The following ZFHX3 variants were observed in gnomAD, a reference collection of about 807,000 sequenced individuals.
The protein encoded by ZFHX3 is zinc finger homeobox protein 3.
Under a neutral mutation model 279.1 loss-of-function variants are expected in ZFHX3, and 42 were observed. That is an observed-to-expected ratio of 0.15 (90% CI 0.12 to 0.19). The LOEUF is 0.19. Ranked by LOEUF, ZFHX3 falls within the 10% of genes least tolerant of loss-of-function variation. The pLI is 1.00. For synonymous variants in ZFHX3, 2,293 were observed against 1,957.8 expected (o/e 1.17, Z -4.52); for missense variants, 4,981 against 4,754.0 (o/e 1.05, Z -1.40).
chr16:73,710,045 T>C (rs1371612467), intron 1 of ZFHX3, among the ~76,000 whole-genome samples: 1 of 151,962 alleles, frequency 6.6e-6, no homozygotes, highest in Non-Finnish European at 1.5e-5. Flanking sequence ...TTGGCTGGTG[T>C]GGTAGCGGGC....
intron 7 of ZFHX3, chr16:72,807,916 C>T (rs1190758659): frequency 2.0e-5 from 3 of 152,174 alleles, no homozygotes; most frequent in African/African-American, 7.2e-5. Flanking sequence ...GACATAACTT[C>T]CTTCTCCTGG....
At chr16:72,969,544 G>A (rs1234291252) in intron 1 of ZFHX3, among the ~76,000 whole-genome samples, 3 of 151,882 alleles carry the variant, frequency 2.0e-5, no homozygotes, top group Non-Finnish European at 4.4e-5. Context: ...CCCCCAGAGT[G>A]TGAGCATTGT....
chr16:73,308,250 TATATATATATATATATATATATATA>T (rs1567446203), intron 4 of ZFHX3, among the ~76,000 whole-genome samples: 14 of 30,558 alleles, frequency 4.6e-4, no homozygotes, highest in African/African-American at 1.0e-3. Flanking sequence ...TATATATATA[TATATATATATATATATATATATATA>T]TATTTATTTA....
chr16:73,832,539 G>T (rs994380626), intron 1 of ZFHX3, among the ~76,000 whole-genome samples: 7 of 151,980 alleles, frequency 4.6e-5, no homozygotes, highest in African/African-American at 1.7e-4. Flanking sequence ...CCCTTTTTAA[G>T]TTTTTTTATT....
intron 3 of ZFHX3, among the ~76,000 whole-genome samples, chr16:72,915,762 T>TA (rs35736633): frequency 0.061 from 7,629 of 125,876 alleles, 269 homozygotes; most frequent in African/African-American, 0.12. Context: ...GACTCTGTCA[T>TA]AAAAAAAAAA....
chr16:73,327,095 A>T (rs928888548), intron 3 of ZFHX3, among the ~76,000 whole-genome samples: 1 of 152,226 alleles, frequency 6.6e-6, no homozygotes, highest in South Asian at 2.1e-4. Context: ...TGAAGCCCAG[A>T]CAAATGGTCA....
chr16:73,434,889 G>A (rs570902226), intron 3 of ZFHX3, among the ~76,000 whole-genome samples: 19 of 152,288 alleles, frequency 1.2e-4, no homozygotes, highest in Admixed American at 6.5e-4. Flanking sequence ...CTATTTACAC[G>A]GGGCATTGCA....
intron 5 of ZFHX3, among the ~76,000 whole-genome samples, chr16:73,172,936 T>G (rs947848480): frequency 1.0e-4 from 15 of 149,210 alleles, no homozygotes; most frequent in African/African-American, 3.7e-4. Context: ...CTGTGGTTTT[T>G]TTTTTTTTTT....
chr16:72,830,410 T>C (rs2037034890), intron 4 of ZFHX3, among the ~76,000 whole-genome samples: 1 of 152,242 alleles, frequency 6.6e-6, no homozygotes, highest in Admixed American at 6.5e-5. Context: ...ATATCAGTGA[T>C]ATGAGTTCAT....
At chr16:73,312,787 A>C (rs940845725) in intron 4 of ZFHX3, among the ~76,000 whole-genome samples, 3 of 152,260 alleles carry the variant, frequency 2.0e-5, no homozygotes, top group African/African-American at 7.2e-5. Context: ...CAGCTAGTTA[A>C]TGTATCAGAT....
chr16:73,060,525 C>G (rs1272258791), upstream of ZFHX3: 2 of 135,134 alleles, frequency 1.5e-5, no homozygotes, highest in South Asian at 2.8e-4. Flanking sequence ...TCTCTCCCCC[C>G]TCTTCTCTGT....
At chr16:73,236,180 G>A (rs1018557771) in intron 5 of ZFHX3, among the ~76,000 whole-genome samples, 1 of 152,220 alleles carries the variant, frequency 6.6e-6, no homozygotes, top group Non-Finnish European at 1.5e-5. Flanking sequence ...TGTTTTGCTG[G>A]ACTAAGAGGG....
At chr16:73,551,981 T>C (rs1388050240) in intron 2 of ZFHX3, among the ~76,000 whole-genome samples, 3 of 152,276 alleles carry the variant, frequency 2.0e-5, no homozygotes, top group Non-Finnish European at 2.9e-5. Flanking sequence ...AGGATAGAGA[T>C]AATTCTAGCA....
At chr16:73,235,661 A>G (rs2012921232) in intron 5 of ZFHX3, among the ~76,000 whole-genome samples, 4 of 151,576 alleles carry the variant, frequency 2.6e-5, no homozygotes, top group African/African-American at 9.7e-5. Flanking sequence ...GGTATGTGTA[A>G]ATATCAAATA....
In ZFHX3 at chr16:73,025,269, C is replaced by T. The variant is rs374495833; in HGVS notation, c.-50+22483G>A. On this transcript the variant is annotated intron_variant, in intron 1 of 9. Transcript: ENST00000268489. Reference sequence around the variant, plus strand: ...CTGCCCCAAGTCCTTCCCAATGCGGCGGCAGCCACCAGCCCATGCAGGACT... The same window carrying T: ...CTGCCCCAAGTCCTTCCCAATGCGGTGGCAGCCACCAGCCCATGCAGGACT... Among the ~76,000 whole-genome samples, 220 of 152,284 alleles carry T rather than the reference C, an allele frequency of 1.4e-3. 9 individuals are homozygous for T. The South Asian group carries it at 0.043, about 30-fold the overall frequency.
chr16:73,274,912 T>C (rs1188368148), intron 4 of ZFHX3, among the ~76,000 whole-genome samples: 1 of 152,244 alleles, frequency 6.6e-6, no homozygotes, highest in Non-Finnish European at 1.5e-5. Context: ...ATACCCTTTA[T>C]TGGTCTAAGA....
Position 73,262,518 on chromosome 16 carries a change from C to G in ZFHX3, c.-1193-5382G>C, listed in dbSNP as rs147986475. 2.3e-3 allele frequency among the ~76,000 whole-genome samples: 348 copies of G among 152,206 alleles called. 1 individual carries two copies. The highest frequency in any genetic ancestry group is 3.9e-3 in the Non-Finnish European group (264 of 68,018). ...AGTTTCCTCTAGAGCTAGAAGGGTT[C>G]TCAGAGGTGATCTAATATGTGTCTC... On this transcript the variant is annotated intron_variant, in intron 4 of 17. Transcript: ENST00000641206.
intron 1 of ZFHX3, among the ~76,000 whole-genome samples, chr16:73,750,461 C>T (rs1357703681): frequency 6.6e-6 from 1 of 152,174 alleles, no homozygotes; most frequent in Admixed American, 6.5e-5. Flanking sequence ...GGAAGACTGG[C>T]ACACAATACC....
chr16:73,189,168 G>C (rs145494524), intron 5 of ZFHX3, among the ~76,000 whole-genome samples: 58 of 152,270 alleles, frequency 3.8e-4, no homozygotes, highest in Middle Eastern at 3.4e-3. Context: ...GCCCACATCT[G>C]GGTATTTCTA....
Sources: gnomAD v4.1 joint callset for allele counts (sites outside exome capture counted in the v4.1 genomes callset) on GRCh38, gnomAD v4.1.1 for gene constraint, MANE v1.5 for transcripts, NCBI Gene and HGNC (gene_info 2026-07-23, HGNC 2026-07-21) for gene names.